Variants in RBFOX2 observed in about 807,000 individuals in gnomAD.
The protein encoded by RBFOX2 is RNA binding fox-1 homolog 2, also known as RNA binding protein fox-1 homolog 2.
A neutral mutation model predicts 49.1 loss-of-function variants in RBFOX2; 10 were observed. The observed-to-expected ratio is 0.20, with a 90% CI of 0.13 to 0.35. RBFOX2 has a LOEUF of 0.35. Among genes scored for constraint, RBFOX2 ranks in the 10% least tolerant of loss-of-function variants. The pLI is 1.00. For synonymous variants in RBFOX2, 183 were observed against 187.4 expected (o/e 0.98, Z 0.19); for missense variants, 323 against 486.9 (o/e 0.66, Z 3.17).
At chr22:35,848,559 G>T (rs1363774078) in intron 1 of RBFOX2, among the ~76,000 whole-genome samples, 1 of 152,142 alleles carries the variant, frequency 6.6e-6, no homozygotes, top group African/African-American at 2.4e-5. Flanking sequence ...ATCCAAAATA[G>T]CTTGGGCCTT....
chr22:35,931,384 G>A (rs1027239744), intron 1 of RBFOX2, among the ~76,000 whole-genome samples: 1 of 151,836 alleles, frequency 6.6e-6, no homozygotes, highest in Non-Finnish European at 1.5e-5. Context: ...AAGGGGTAAC[G>A]TTTTACTTCT....
chr22:35,998,201 C>T (rs979839478), intron 1 of RBFOX2: 1 of 152,068 alleles, frequency 6.6e-6, no homozygotes, highest in Non-Finnish European at 1.5e-5. Context: ...CCCACCAATA[C>T]AATAGCAAGG....
chr22:35,759,299 A>G lies in RBFOX2; in HGVS notation c.887+589T>C, dbSNP rs1937864850. On this transcript the variant is annotated intron_variant, in intron 9 of 11. Transcript: ENST00000405409. The surrounding 1 kb of genome is among the most constrained non-coding windows in gnomAD (Gnocchi z 4.6). ...TCATTCAGAAGCCAACTGCAGTTTAATTCTTCCTACTTCTCCCTTTCTCCC... is the reference window on the plus strand; with the variant it reads ...TCATTCAGAAGCCAACTGCAGTTTAGTTCTTCCTACTTCTCCCTTTCTCCC... Among the ~76,000 whole-genome samples the G allele has an allele frequency of 2.0e-5, 3 of 152,220 alleles. No homozygotes were observed. Among genetic ancestry groups the G allele is most frequent in the Admixed American group, 2.0e-4 (3 of 15,274 alleles).
chr22:35,978,840 G>A (rs2057322786), intron 1 of RBFOX2, among the ~76,000 whole-genome samples: 1 of 152,192 alleles, frequency 6.6e-6, no homozygotes, highest in African/African-American at 2.4e-5. Context: ...AGAAATAGAG[G>A]ACTAGCATTT....
At chr22:35,915,663 A>G (rs1011514035) in intron 1 of RBFOX2, among the ~76,000 whole-genome samples, 1 of 152,192 alleles carries the variant, frequency 6.6e-6, no homozygotes, top group African/African-American at 2.4e-5. Flanking sequence ...TAAACCAAAG[A>G]GAAAGCCTCC....
chr22:35,844,492 A>G (rs1184908029), upstream of RBFOX2, among the ~76,000 whole-genome samples: 2 of 151,900 alleles, frequency 1.3e-5, no homozygotes, highest in African/African-American at 4.8e-5. Context: ...AAATTTATAA[A>G]TTTACTTCAC....
chr22:35,977,759 T>TATATACAC (rs2057261336), intron 1 of RBFOX2, among the ~76,000 whole-genome samples: 2 of 102,772 alleles, frequency 1.9e-5, no homozygotes, highest in South Asian at 6.7e-4. Context: ...TATATATATA[T>TATATACAC]ATACATGCAC....
At chr22:35,983,713 C>T (rs1006308946) in intron 1 of RBFOX2, among the ~76,000 whole-genome samples, 4 of 152,212 alleles carry the variant, frequency 2.6e-5, no homozygotes, top group African/African-American at 7.2e-5. Flanking sequence ...CAACAGTGTT[C>T]GGCACTTGAT....
At chr22:35,929,911 G>C (rs974494832) in intron 1 of RBFOX2, among the ~76,000 whole-genome samples, 6 of 151,638 alleles carry the variant, frequency 4.0e-5, no homozygotes, top group Non-Finnish European at 7.4e-5. Flanking sequence ...TGAGGGAAAT[G>C]TACTAAAGCT....
intron 1 of RBFOX2, among the ~76,000 whole-genome samples, chr22:35,878,200 C>G (rs759341257): frequency 7.0e-4 from 107 of 152,056 alleles, no homozygotes; most frequent in Non-Finnish European, 4.0e-4. Flanking sequence ...AGTTCAAGAC[C>G]AGCCTGGCGA....
intron 2 of RBFOX2, among the ~76,000 whole-genome samples, chr22:35,805,029 T>G (rs1160753691): frequency 2.6e-5 from 4 of 151,986 alleles, no homozygotes; most frequent in Non-Finnish European, 5.9e-5. Context: ...GGCTCACGCC[T>G]GTAATCCCAG....
upstream of RBFOX2, among the ~76,000 whole-genome samples, chr22:35,966,064 A>T (rs1010139592): frequency 2.0e-5 from 3 of 152,094 alleles, no homozygotes; most frequent in African/African-American, 7.2e-5. Flanking sequence ...ACCAGCCCAC[A>T]ATGACTTTAT....
chr22:35,786,540 G>C (rs924549914), intron 2 of RBFOX2, among the ~76,000 whole-genome samples: 1 of 152,112 alleles, frequency 6.6e-6, no homozygotes, highest in African/African-American at 2.4e-5. Flanking sequence ...ACCCTGGGGG[G>C]CCCCCACCAG....
At chr22:35,899,167 CATA>C (rs2048251287) in intron 1 of RBFOX2, among the ~76,000 whole-genome samples, 1 of 151,252 alleles carries the variant, frequency 6.6e-6, no homozygotes, top group East Asian at 1.9e-4. Context: ...CATAACATAA[CATA>C]ACATAACAAA....
intron 1 of RBFOX2, among the ~76,000 whole-genome samples, chr22:35,818,131 A>T (rs890397745): frequency 1.3e-5 from 2 of 152,228 alleles, no homozygotes; most frequent in African/African-American, 4.8e-5. Flanking sequence ...TTAGGTGAAA[A>T]GCAACAAACC....
At chr22:35,801,561 A>C (rs1254567440) in intron 2 of RBFOX2, among the ~76,000 whole-genome samples, 2 of 152,078 alleles carry the variant, frequency 1.3e-5, no homozygotes, top group African/African-American at 4.8e-5. Context: ...AGAGTGACTC[A>C]CACCTGCAAT....
chr22:35,874,894 G>A (rs1331258071), intron 1 of RBFOX2, among the ~76,000 whole-genome samples: 7 of 152,178 alleles, frequency 4.6e-5, no homozygotes, highest in African/African-American at 1.7e-4. Context: ...TGTATTAGGA[G>A]ATGGAGCTTC....
intron 4 of RBFOX2, among the ~76,000 whole-genome samples, chr22:35,770,799 G>T (rs1942448334): frequency 6.6e-6 from 1 of 152,140 alleles, no homozygotes; most frequent in African/African-American, 2.4e-5. Context: ...TAACATTCAT[G>T]TCTGCTTGGA....
chr22:36,001,073 A>G lies in RBFOX2; in HGVS notation c.186+27167T>C, dbSNP rs191664137. ...GTACTAAAGGAAAGCACAGAAAGCT[A>G]TTTTTAAACAGAGTAAAGAAGGTCC... On this transcript the variant is annotated intron_variant, in intron 1 of 13. Coordinates refer to the RBFOX2 transcript ENST00000438146. 3.2e-4 allele frequency among the ~76,000 whole-genome samples: 49 copies of G among 152,240 alleles called. No individual in the cohort carries two copies. In the East Asian group the frequency reaches 6.4e-3, roughly 20 times the overall value.
Sources: gnomAD v4.1 joint callset for allele counts (sites outside exome capture counted in the v4.1 genomes callset) on GRCh38, gnomAD v4.1.1 for gene constraint, Gnocchi (gnomAD v3.1) non-coding constraint, MANE v1.5 for transcripts, NCBI Gene and HGNC (gene_info 2026-07-23, HGNC 2026-07-21) for gene names.